Variants in C1orf146 observed in about 807,000 individuals in gnomAD.
C1orf146 encodes protein SPO16 homolog.
In C1orf146, 22 loss-of-function variants were observed where a neutral mutation model predicts 23.0. The observed-to-expected ratio is 0.96, with a 90% CI of 0.68 to 1.36. The LOEUF is 1.36. Ranked by LOEUF, C1orf146 falls within the 40% of genes most tolerant of loss-of-function variation. The pLI is 0.00. For missense variants in C1orf146, 199 were observed against 206.8 expected, an observed-to-expected ratio of 0.96 and a Z score of 0.23; for synonymous variants, 59 against 65.3, an observed-to-expected ratio of 0.90 and a Z score of 0.47.
At chr1:92,243,594 C>G (rs1325567899) in intron 3 of C1orf146, among the ~76,000 whole-genome samples, 1 of 152,182 alleles carries the variant, frequency 6.6e-6, no homozygotes, top group Non-Finnish European at 1.5e-5. Flanking sequence ...ATCCGCCCAC[C>G]TCGGCCTCCC....
At chr1:92,239,795 G>A (rs998293876) in intron 2 of C1orf146, among the ~76,000 whole-genome samples, 13 of 151,838 alleles carry the variant, frequency 8.6e-5, no homozygotes, top group Admixed American at 8.5e-4. Flanking sequence ...TGAATTTACT[G>A]TAATTATGTC....
chr1:92,218,205 T>C (rs747171109), intron 1 of C1orf146, among the ~76,000 whole-genome samples, 157 bp downstream of exon 1: 2 of 152,194 alleles, frequency 1.3e-5, no homozygotes, highest in Non-Finnish European at 2.9e-5. Context: ...GCCCACCCTA[T>C]TTTCCCCTTG....
At chr1:92,228,301 T>C (rs1308231536) in intron 1 of C1orf146, among the ~76,000 whole-genome samples, 1 of 152,238 alleles carries the variant, frequency 6.6e-6, no homozygotes, top group East Asian at 1.9e-4. Context: ...TAATCATTTA[T>C]AGTCTGGATA....
chr1:92,228,621 A>T (rs961413221), intron 1 of C1orf146, among the ~76,000 whole-genome samples: 5 of 152,204 alleles, frequency 3.3e-5, no homozygotes, highest in African/African-American at 1.2e-4. Flanking sequence ...GAGAAATCCC[A>T]GAACACTCAG....
intron 1 of C1orf146, among the ~76,000 whole-genome samples, chr1:92,228,759 G>A (rs1171912497): frequency 6.6e-6 from 1 of 152,150 alleles, no homozygotes. Context: ...ATGTACTAAG[G>A]GTTGAAATCA....
rs774438354 is a variant in C1orf146 at position 92,244,813 on chromosome 1, C to T, written c.364C>T (p.His122Tyr). 4 of 1,608,904 alleles carry T rather than the reference C, an allele frequency of 2.5e-6. No individual in the cohort carries two copies. Among genetic ancestry groups the T allele is most frequent in the Non-Finnish European group, 3.4e-6 (4 of 1,176,076 alleles). ...LGCNLRILPV[H>Y]NTVNAINLMC... is the part of the protein sequence containing the mutation. The stretch of plus-strand genomic sequence containing the variant: ...TTGTAACTTACGAATACTTCCAGTA[C>T]ACAACACAGTAAATGCTATTAATCT... Residue 122 changes from histidine to tyrosine, a missense_variant, in exon 5 of 6, where the codon CAC (histidine) becomes TAC (tyrosine). Coordinates refer to ENST00000370375, the MANE Select transcript of C1orf146 (RefSeq NM_001012425.2).
chr1:92,245,425 C>A, intron 5 of C1orf146, 115 bp from the exon 6 acceptor site: 1 of 786,434 alleles, frequency 1.3e-6, no homozygotes, highest in East Asian at 2.8e-5. Flanking sequence ...TAGTATTTAG[C>A]ACAAAGATGA....
intron 1 of C1orf146, among the ~76,000 whole-genome samples, chr1:92,225,313 C>T (rs1169718256): frequency 6.6e-6 from 1 of 152,026 alleles, no homozygotes; most frequent in Admixed American, 6.6e-5. Context: ...TGCCCTGTTG[C>T]CCAAGCTGGG....
intron 3 of C1orf146, among the ~76,000 whole-genome samples, chr1:92,243,695 ATAAT>A (rs773604109): frequency 1.1e-4 from 16 of 152,298 alleles, no homozygotes; most frequent in African/African-American, 2.4e-4. Context: ...GCTTTTAAAA[ATAAT>A]TAATAAGAGC....
intron 1 of C1orf146, among the ~76,000 whole-genome samples, chr1:92,220,493 T>C (rs1651794199): frequency 1.3e-5 from 2 of 152,216 alleles, no homozygotes; most frequent in South Asian, 4.1e-4. Flanking sequence ...TATAGCCTAT[T>C]GCTCCTGGGC....
At chr1:92,220,449 A>T (rs1387770544) in intron 1 of C1orf146, among the ~76,000 whole-genome samples, 1 of 152,192 alleles carries the variant, frequency 6.6e-6, no homozygotes, top group Non-Finnish European at 1.5e-5. Flanking sequence ...ACAAACTTAG[A>T]TGGTGTAGTC....
chr1:92,225,272 A>C (rs981884846), intron 1 of C1orf146, among the ~76,000 whole-genome samples: 4 of 151,850 alleles, frequency 2.6e-5, no homozygotes, highest in Non-Finnish European at 5.9e-5. Flanking sequence ...TACCCAGCTA[A>C]TTTTTGTACT....
intron 2 of C1orf146, among the ~76,000 whole-genome samples, chr1:92,238,586 A>G (rs375608625): frequency 1.3e-5 from 2 of 151,550 alleles, no homozygotes; most frequent in Non-Finnish European, 3.0e-5. Flanking sequence ...TCTCAATTCA[A>G]TACTTTCTAA....
intron 2 of C1orf146, among the ~76,000 whole-genome samples, chr1:92,236,481 G>T (rs1652279287): frequency 1.3e-5 from 2 of 152,134 alleles, no homozygotes; most frequent in Admixed American, 6.5e-5. Context: ...GAGATCTGCT[G>T]TTAGTCTGAT....
At chr1:92,243,599 C>CGG (rs1652486158) in intron 3 of C1orf146, among the ~76,000 whole-genome samples, 1 of 152,196 alleles carries the variant, frequency 6.6e-6, no homozygotes, top group Non-Finnish European at 1.5e-5. Flanking sequence ...CCCACCTCGG[C>CGG]CTCCCAAAGT....
At chr1:92,240,077 G>A (rs147558314) in intron 2 of C1orf146, among the ~76,000 whole-genome samples, 4 of 152,262 alleles carry the variant, frequency 2.6e-5, no homozygotes, top group Non-Finnish European at 4.4e-5. Context: ...GGGAAAGGTT[G>A]CTCCAGAGAG....
intron 1 of C1orf146, chr1:92,229,148 T>C: frequency 1.9e-6 from 1 of 520,698 alleles, no homozygotes; most frequent in South Asian, 1.6e-5. Context: ...GCTCTCGGGG[T>C]GCAATGATCT....
At chr1:92,235,888 C>T (rs1652264419) in intron 2 of C1orf146, among the ~76,000 whole-genome samples, 1 of 151,980 alleles carries the variant, frequency 6.6e-6, no homozygotes, top group Non-Finnish European at 1.5e-5. Context: ...CTCTTTTGAT[C>T]TTTGTTGGTT....
intron 2 of C1orf146, among the ~76,000 whole-genome samples, chr1:92,237,520 G>A (rs1378008337): frequency 6.6e-6 from 1 of 152,280 alleles, no homozygotes; most frequent in Non-Finnish European, 1.5e-5. Flanking sequence ...GCCCCTACTG[G>A]GGGGTGCCTC....
Sources: gnomAD v4.1 joint callset for allele counts (sites outside exome capture counted in the v4.1 genomes callset) on GRCh38, gnomAD v4.1.1 for gene constraint, MANE v1.5 for transcripts, NCBI Gene and HGNC (gene_info 2026-07-23, HGNC 2026-07-21) for gene names.